The following EYS variants were observed in gnomAD, a reference collection of about 807,000 sequenced individuals.
The protein encoded by EYS is protein eyes shut homolog.
Under a neutral mutation model 282.1 loss-of-function variants are expected in EYS, and 250 were observed. The observed-to-expected ratio is 0.89, with a 90% CI of 0.80 to 0.98. EYS has a LOEUF of 0.98. Among genes scored for constraint, EYS ranks in the 50% least tolerant of loss-of-function variants. The probability of loss-of-function intolerance (pLI) is 0.00; values close to 1 mark genes in which losing one functional copy is unlikely to be tolerated. For missense variants in EYS, 4,016 were observed against 3,709.0 expected, an observed-to-expected ratio of 1.08 and a Z score of -2.15; for synonymous variants, 1,355 against 1,282.9, an observed-to-expected ratio of 1.06 and a Z score of -1.20.
chr6:63,874,932 C>T (rs1449633336), intron 35 of EYS, among the ~76,000 whole-genome samples: 1 of 152,158 alleles, frequency 6.6e-6, no homozygotes, highest in Non-Finnish European at 1.5e-5. Flanking sequence ...GACAATTTGA[C>T]TTCCTCTTTT....
At chr6:63,956,210 C>G (rs1158281560) in intron 35 of EYS, among the ~76,000 whole-genome samples, 4 of 152,182 alleles carry the variant, frequency 2.6e-5, no homozygotes, top group Non-Finnish European at 5.9e-5. Context: ...TGGCCTGAAG[C>G]CACTGAAGAA....
chr6:64,015,738 G>A (rs997399935), intron 33 of EYS, among the ~76,000 whole-genome samples: 3 of 152,164 alleles, frequency 2.0e-5, no homozygotes, highest in African/African-American at 7.2e-5. Flanking sequence ...GTCATTCTCT[G>A]AGAGGTCAGT....
intron 37 of EYS, among the ~76,000 whole-genome samples, chr6:63,805,886 C>T (rs1050838053): frequency 2.0e-5 from 3 of 152,222 alleles, no homozygotes; most frequent in Non-Finnish European, 4.4e-5. Context: ...CCTCCCCAGC[C>T]ATGCTGAACA....
intron 13 of EYS, among the ~76,000 whole-genome samples, chr6:65,011,041 T>A (rs779562288): frequency 3.9e-5 from 6 of 152,048 alleles, no homozygotes; most frequent in African/African-American, 7.2e-5. Context: ...TATGGGGTAA[T>A]CCCCTCCGGG....
intron 2 of EYS, among the ~76,000 whole-genome samples, chr6:65,563,364 T>G (rs1056781365): frequency 1.3e-5 from 2 of 149,896 alleles, no homozygotes; most frequent in African/African-American, 4.8e-5. Context: ...TGTAGTCATA[T>G]TACAGAGTAA....
At chr6:64,006,586 C>T (rs955482375) in intron 33 of EYS, among the ~76,000 whole-genome samples, 1 of 152,100 alleles carries the variant, frequency 6.6e-6, no homozygotes, top group African/African-American at 2.4e-5. Context: ...GGGAATGCTT[C>T]CATCTGGTGC....
rs567782156 is a variant in EYS at position 63,996,244 on chromosome 6, G to A, written c.6834+2831C>T. ...CAGCCACAGAGTACAAATACTGTATGATTCCACTTAAATAAGGTATAGAAA... is the reference window on the plus strand; with the variant it reads ...CAGCCACAGAGTACAAATACTGTATAATTCCACTTAAATAAGGTATAGAAA... On this transcript the variant is annotated intron_variant, in intron 34 of 42. Transcript: ENST00000503581. Among the ~76,000 whole-genome samples, 24 of 152,076 alleles carry A rather than the reference G, an allele frequency of 1.6e-4. No homozygotes were observed. The South Asian group carries it at 4.8e-3, about 30-fold the overall frequency.
intron 22 of EYS, among the ~76,000 whole-genome samples, chr6:64,791,414 T>C (rs1057436235): frequency 6.6e-6 from 1 of 151,818 alleles, no homozygotes; most frequent in African/African-American, 2.4e-5. Flanking sequence ...AAGCACAATG[T>C]ACCATAAAGC....
At chr6:64,752,730 GA>G (rs977676879) in intron 22 of EYS, among the ~76,000 whole-genome samples, 4 of 151,590 alleles carry the variant, frequency 2.6e-5, no homozygotes, top group African/African-American at 4.8e-5. Flanking sequence ...CAACATGAAG[GA>G]AAAAAAATAC....
chr6:65,006,048 T>A (rs1771639743), intron 13 of EYS, among the ~76,000 whole-genome samples: 1 of 152,058 alleles, frequency 6.6e-6, no homozygotes, highest in Admixed American at 6.6e-5. Context: ...CTCTACACTG[T>A]GTCCTTAGGC....
At chr6:64,395,184 G>A (rs991493574) in intron 28 of EYS, among the ~76,000 whole-genome samples, 7 of 151,964 alleles carry the variant, frequency 4.6e-5, no homozygotes, top group African/African-American at 1.7e-4. Flanking sequence ...ACTGTTGGTG[G>A]GACTGTAAAC....
At chr6:65,019,093 C>A (rs1223202678) in intron 13 of EYS, among the ~76,000 whole-genome samples, 1 of 152,068 alleles carries the variant, frequency 6.6e-6, no homozygotes, top group African/African-American at 2.4e-5. Context: ...GATGATTTCA[C>A]CACTTGGATT....
At chr6:65,501,698 A>G (rs1828946442) in intron 2 of EYS, among the ~76,000 whole-genome samples, 1 of 151,794 alleles carries the variant, frequency 6.6e-6, no homozygotes, top group Non-Finnish European at 1.5e-5. Context: ...ATTTTTATCA[A>G]AATATATAAT....
At chr6:64,052,043 G>T (rs1172983056) in intron 33 of EYS, among the ~76,000 whole-genome samples, 3 of 152,062 alleles carry the variant, frequency 2.0e-5, no homozygotes, top group Non-Finnish European at 2.9e-5. Flanking sequence ...AGAAAAATGA[G>T]GGGATTGAAC....
chr6:64,476,524 AT>A (rs1190239837), intron 26 of EYS, among the ~76,000 whole-genome samples: 1 of 152,116 alleles, frequency 6.6e-6, no homozygotes, highest in Non-Finnish European at 1.5e-5. Context: ...AGTGAAAAAA[AT>A]ATAGAAAATA....
intron 36 of EYS, among the ~76,000 whole-genome samples, chr6:63,818,221 T>C (rs866398104): frequency 1.7e-4 from 26 of 152,188 alleles, no homozygotes; most frequent in African/African-American, 6.3e-4. Context: ...CAGTTTCACA[T>C]TGAGGGGGCA....
At chr6:64,291,949 T>C (rs1274552163) in intron 30 of EYS, among the ~76,000 whole-genome samples, 1 of 152,176 alleles carries the variant, frequency 6.6e-6, no homozygotes, top group South Asian at 2.1e-4. Context: ...GACATTGTGC[T>C]AAGTGCATGG....
At chr6:65,654,016 A>C (rs1181738796) in intron 1 of EYS, among the ~76,000 whole-genome samples, 1 of 151,936 alleles carries the variant, frequency 6.6e-6, no homozygotes, top group Non-Finnish European at 1.5e-5. Context: ...ATACTGAAGA[A>C]AAGTAAGTTT....
At chr6:63,983,295 A>T (rs1767190971) in intron 35 of EYS, among the ~76,000 whole-genome samples, 1 of 151,858 alleles carries the variant, frequency 6.6e-6, no homozygotes, top group Admixed American at 6.6e-5. Context: ...ACACTCTAAG[A>T]AACTCTGCCT....
Sources: gnomAD v4.1 joint callset for allele counts (sites outside exome capture counted in the v4.1 genomes callset) on GRCh38, gnomAD v4.1.1 for gene constraint, MANE v1.5 for transcripts, NCBI Gene and HGNC (gene_info 2026-07-23, HGNC 2026-07-21) for gene names.